The following TNS1 variants were observed in gnomAD, a reference collection of about 807,000 sequenced individuals.
TNS1 encodes the protein tensin-1.
In TNS1, 62 loss-of-function variants were observed where a neutral mutation model predicts 168.6. The observed-to-expected ratio is 0.37, with a 90% confidence interval of 0.30 to 0.45. The LOEUF is 0.45. TNS1 is among the 20% of genes least tolerant of loss of function. The pLI is 1.00. For missense variants in TNS1, 2,240 were observed against 2,339.4 expected (o/e 0.96, Z 0.88); for synonymous variants, 934 against 933.2 (o/e 1.00, Z -0.02).
intron 3 of TNS1, among the ~76,000 whole-genome samples, chr2:217,966,268 CGTGTGT>C (rs3838555): frequency 0.03 from 4,257 of 140,788 alleles, 174 homozygotes; most frequent in African/African-American, 0.089. Context: ...GAGCAGGCTG[CGTGTGT>C]GTGTGTGTGT....
rs150556899 is a variant in TNS1 at position 217,984,027 on chromosome 2, C to T, written c.149-5225G>A. ...TGGGCCTCATCCAATCAGTTGAAGG[C>T]CTTAATAAAGAAAACCAACCTCCCC... On this transcript the variant is annotated intron_variant, in intron 2 of 32. Transcript: ENST00000682258. Among the ~76,000 whole-genome samples the T allele has an allele frequency of 4.2e-3, 639 of 152,222 alleles. 3 individuals carry two copies. The highest frequency in any genetic ancestry group is 0.014 in the African/African-American group (586 of 41,532).
At chr2:217,957,374 C>T (rs1957391837) in intron 3 of TNS1, among the ~76,000 whole-genome samples, 1 of 152,224 alleles carries the variant, frequency 6.6e-6, no homozygotes, top group Non-Finnish European at 1.5e-5. Context: ...CTTCCAGAGC[C>T]CCCTCTCCTT....
intron 18 of TNS1, among the ~76,000 whole-genome samples, chr2:217,853,070 C>T (rs1947709793): frequency 6.6e-6 from 1 of 152,126 alleles, no homozygotes; most frequent in Admixed American, 6.5e-5. Flanking sequence ...GTCCCCCAGC[C>T]CCCACTCCGG....
In TNS1 at chr2:217,802,326, C is replaced by T. The variant is rs1937597558; in HGVS notation, c.*2133G>A. 1 of 152,250 alleles carries T rather than the reference C, an allele frequency of 6.6e-6. No homozygotes were observed. The highest frequency in any genetic ancestry group is 2.4e-5 in the African/African-American group (1 of 41,458). The allele number at this position is 152,250 out of a possible 1,614,324, so 9.4% of individuals were successfully genotyped here. A position where few individuals can be genotyped will look rare whatever the true frequency, so the allele number is the denominator to read the frequency against. On this transcript the variant is annotated 3_prime_UTR_variant, in exon 33 of 33. Coordinates refer to ENST00000682258, the MANE Select transcript of TNS1 (RefSeq NM_001387777.1). ...GGCCAGTGGGGCCTCTGCCCCTGCT[C>T]TCCACCTTCTGCAGACACCCTCCTT...
intron 18 of TNS1, among the ~76,000 whole-genome samples, chr2:217,852,001 C>T (rs1382696030): frequency 6.6e-6 from 1 of 152,154 alleles, no homozygotes; most frequent in Non-Finnish European, 1.5e-5. Flanking sequence ...AAAAATTAGC[C>T]AGGCGTGGTA....
At chr2:217,996,774 C>T (rs1272958101) in intron 1 of TNS1, among the ~76,000 whole-genome samples, 1 of 151,938 alleles carries the variant, frequency 6.6e-6, no homozygotes, top group Non-Finnish European at 1.5e-5. Context: ...ACCCATCGCC[C>T]CTACACAGCC....
intron 3 of TNS1, among the ~76,000 whole-genome samples, chr2:217,961,943 C>T (rs1266778826): frequency 6.6e-6 from 1 of 152,156 alleles, no homozygotes; most frequent in Admixed American, 6.6e-5. Context: ...CAATTGAAGG[C>T]CATAAGAGCA....
intron 3 of TNS1, among the ~76,000 whole-genome samples, chr2:217,960,651 G>T (rs1400127359): frequency 6.6e-6 from 1 of 152,166 alleles, no homozygotes; most frequent in Non-Finnish European, 1.5e-5. Context: ...GTGCGGGAAG[G>T]CTCAGCCTTT....
chr2:217,941,674 C>T (rs559050112), intron 3 of TNS1, among the ~76,000 whole-genome samples: 13 of 152,290 alleles, frequency 8.5e-5, no homozygotes, highest in Non-Finnish European at 1.6e-4. Context: ...TCCAGGTCAT[C>T]GCCTCTAACC....
intron 3 of TNS1, among the ~76,000 whole-genome samples, chr2:217,921,200 C>T (rs1444389987): frequency 6.6e-6 from 1 of 152,196 alleles, no homozygotes; most frequent in Non-Finnish European, 1.5e-5. Flanking sequence ...TTTCTTGGAG[C>T]TCAGTCCTCA....
At chr2:217,833,312 T>G (rs940067401) in intron 21 of TNS1, among the ~76,000 whole-genome samples, 2 of 152,202 alleles carry the variant, frequency 1.3e-5, no homozygotes, top group Admixed American at 1.3e-4. Context: ...CCTGGGCAAT[T>G]GGGCCCTTCT....
In TNS1 at chr2:217,847,759, G is replaced by A. The variant is rs1433505655; in HGVS notation, c.2758C>T (p.Pro920Ser). The A allele has an allele frequency of 6.2e-6, 10 of 1,609,102 alleles. No homozygotes were observed. The East Asian group carries it at 1.1e-4, about 18-fold the overall frequency. ...GCCAAACATGGCTGATAGTCATAAG[G>A]TGAGTAAGACCTGCCAGGAGGGACA... ...ESVPPGRSYSPYDYQPCLAGP... is the reference protein window; with the variant it reads ...ESVPPGRSYSSYDYQPCLAGP... The change falls in exon 19 of 33, where the codon CCT (proline) becomes TCT (serine). Residue 920 changes from proline to serine, a missense_variant. Pro to Ser is a moderately conservative substitution (Grantham distance 74). Around this residue, in one of 2 missense-constraint regions of TNS1, gnomAD observed 2,131 missense variants for 2,171.2 expected, o/e 0.98. Coordinates refer to ENST00000682258, the MANE Select transcript of TNS1 (RefSeq NM_001387777.1).
rs377715788 is a variant in TNS1, at chr2:217,884,630, C to G, written c.1246+405G>C. The stretch of plus-strand genomic sequence containing the variant: ...TTTTGAGCTCCACCAAGGCAGAGAC[C>G]ATGCCATGTTTTACTTTGTATCCCC... On this transcript the variant is annotated intron_variant, in intron 16 of 32. Coordinates refer to ENST00000682258, the MANE Select transcript of TNS1 (RefSeq NM_001387777.1). Among the ~76,000 whole-genome samples, 43 of 152,076 alleles carry G rather than the reference C, an allele frequency of 2.8e-4. No individual in the cohort carries two copies. In the East Asian group the frequency reaches 5.6e-3, roughly 20 times the overall value.
intron 2 of TNS1, 170 bp from the exon 3 acceptor site, chr2:217,978,972 TGCCGG>T (rs1957966519): frequency 1.9e-6 from 1 of 530,524 alleles, no homozygotes; most frequent in African/African-American, 2.0e-5. Context: ...GGGGAGCGGC[TGCCGG>T]GCCTGCGGGG....
chr2:217,866,210 G>A lies in TNS1; in HGVS notation c.1429+14688C>T, dbSNP rs535693854. On this transcript the variant is annotated intron_variant, in intron 18 of 32. Transcript: ENST00000682258. ...CTGCCTGGCTGCAGCAGCAGACTAGGAGCCAAAGAGCCAGAATTCTAAGGG... is the reference window on the plus strand; with the variant it reads ...CTGCCTGGCTGCAGCAGCAGACTAGAAGCCAAAGAGCCAGAATTCTAAGGG... 4.6e-5 allele frequency among the ~76,000 whole-genome samples: 7 copies of A among 152,316 alleles called. No individual in the cohort carries two copies. In the South Asian group the frequency reaches 1.2e-3, roughly 27 times the overall value.
intron 22 of TNS1, among the ~76,000 whole-genome samples, chr2:217,829,459 G>A (rs958662912): frequency 6.6e-6 from 1 of 152,218 alleles, no homozygotes; most frequent in Admixed American, 6.5e-5. Context: ...AGAAATGCCT[G>A]TGGAGCACGT....
At chr2:217,859,543 A>C in intron 18 of TNS1, 3 of 1,118,296 alleles carry the variant, frequency 2.7e-6, no homozygotes, top group Non-Finnish European at 3.9e-6. Flanking sequence ...CCCAACATGA[A>C]GTTCTCAGTG....
chr2:217,980,719 T>C (rs890360004), intron 2 of TNS1, among the ~76,000 whole-genome samples: 4 of 152,012 alleles, frequency 2.6e-5, no homozygotes, highest in Admixed American at 6.5e-5. Context: ...AAGGCATCTC[T>C]AAGCATCCAC....
chr2:217,946,937 GCTCTCT>G lies in TNS1; in HGVS notation c.187-26707_187-26702del, dbSNP rs150249191. Among the ~76,000 whole-genome samples the G allele has an allele frequency of 2.4e-3, 320 of 130,836 alleles. 3 individuals carry two copies. The highest frequency in any genetic ancestry group is 7.8e-3 in the Middle Eastern group (2 of 256). 85.8% of individuals were successfully genotyped at this position (130,836 alleles called of 152,430 possible). A position where few individuals can be genotyped will look rare whatever the true frequency, so the allele number is the denominator to read the frequency against. ...TCTCCCCAGTGTCATTTCCACCATC[GCTCTCT>G]CTCTCTCTCTCTCTCTCTCTCTCTC... On this transcript the variant is annotated intron_variant, in intron 3 of 32. Transcript: ENST00000682258.
Sources: gnomAD v4.1 joint callset for allele counts (sites outside exome capture counted in the v4.1 genomes callset) on GRCh38, gnomAD v4.1.1 for gene constraint, gnomAD v4.1.1 regional missense constraint, MANE v1.5 for transcripts, NCBI Gene and HGNC (gene_info 2026-07-23, HGNC 2026-07-21) for gene names.